Variants in KCNN3 observed in about 807,000 individuals in gnomAD.
The protein encoded by KCNN3 is potassium calcium-activated channel subfamily N member 3.
KCNN3 carries 16 observed loss-of-function variants against 62.9 expected under a neutral mutation model. That is an observed-to-expected ratio of 0.25 (90% CI 0.17 to 0.39). KCNN3 has a LOEUF of 0.39. Ranked by LOEUF, KCNN3 falls within the 10% of genes least tolerant of loss-of-function variation. KCNN3 has a pLI of 1.00. For synonymous variants in KCNN3, 370 were observed against 389.2 expected (o/e 0.95, Z 0.58); for missense variants, 599 against 949.4 (o/e 0.63, Z 4.85).
chr1:154,749,839 CG>C (rs1647278814), intron 3 of KCNN3, among the ~76,000 whole-genome samples: 1 of 152,140 alleles, frequency 6.6e-6, no homozygotes, highest in Non-Finnish European at 1.5e-5. Context: ...GGGGTCCCCA[CG>C]GCCGTGGGGC....
intron 2 of KCNN3, among the ~76,000 whole-genome samples, chr1:154,805,704 A>G (rs1430512954): frequency 1.3e-5 from 2 of 152,152 alleles, no homozygotes; most frequent in Non-Finnish European, 2.9e-5. Flanking sequence ...CTCCAGTTCA[A>G]ATTCCAACCT....
intron 5 of KCNN3, among the ~76,000 whole-genome samples, chr1:154,724,542 C>T (rs2101780235): frequency 6.6e-6 from 1 of 152,274 alleles, no homozygotes. Context: ...GGCTGTAGTT[C>T]TAAAGAATTT....
chr1:154,766,729 G>C (rs1454498059), intron 3 of KCNN3, among the ~76,000 whole-genome samples: 5 of 150,416 alleles, frequency 3.3e-5, no homozygotes, highest in Admixed American at 2.0e-4. Context: ...ACCCAGGCTG[G>C]AGTGCAGTGG....
intron 6 of KCNN3, among the ~76,000 whole-genome samples, chr1:154,714,318 A>AGGTGGGTGTGG (rs1700166879): frequency 1.3e-5 from 1 of 75,972 alleles, no homozygotes. Flanking sequence ...GGTTTGTGTG[A>AGGTGGGTGTGG]GGTGTGTGTG....
At chr1:154,762,902 ATAATC>A (rs1169676137) in intron 3 of KCNN3, among the ~76,000 whole-genome samples, 1 of 152,172 alleles carries the variant, frequency 6.6e-6, no homozygotes, top group African/African-American at 2.4e-5. Flanking sequence ...CATTTATTGA[ATAATC>A]TATCGCTTCC....
intron 5 of KCNN3, among the ~76,000 whole-genome samples, chr1:154,717,815 T>C (rs1053882426): frequency 6.6e-6 from 1 of 152,180 alleles, no homozygotes; most frequent in Non-Finnish European, 1.5e-5. Flanking sequence ...AGTAGATCAA[T>C]ATCTGCGAGA....
intron 7 of KCNN3, among the ~76,000 whole-genome samples, chr1:154,711,665 C>T (rs1700077714): frequency 6.6e-6 from 1 of 152,068 alleles, no homozygotes; most frequent in South Asian, 2.1e-4. Context: ...ACAGGTGGGC[C>T]CCTAGCCCTG....
rs1202715638 is a variant in KCNN3 at position 154,753,651 on chromosome 1, C to T, written c.1448+18324G>A. On this transcript the variant is annotated intron_variant, in intron 3 of 7. Transcript: ENST00000271915. ...CATGAGCCTCCTTGAGCCACCACAT[C>T]CTCATCCACGAAATAGGGACCGTGG... Among the ~76,000 whole-genome samples the T allele has an allele frequency of 2.0e-5, 3 of 152,250 alleles. No homozygotes were observed. In the East Asian group the frequency reaches 5.8e-4, roughly 29 times the overall value.
chr1:154,714,337 T>G (rs375177419), intron 6 of KCNN3, among the ~76,000 whole-genome samples: 172 of 47,496 alleles, frequency 3.6e-3, no homozygotes, highest in African/African-American at 5.1e-3. Context: ...TGTGTGGTGT[T>G]TGTGTGTGGT....
rs1208826794 is a variant in KCNN3 at position 154,706,062 on chromosome 1, G to A, written c.*1914C>T. 3 of 152,194 alleles carry A rather than the reference G, an allele frequency of 2.0e-5. No homozygotes were observed. Among genetic ancestry groups the A allele is most frequent in the Admixed American group, 1.3e-4 (2 of 15,284 alleles). 9.4% of individuals were successfully genotyped at this position (152,194 alleles called of 1,614,324 possible). Reference sequence around the variant, plus strand: ...ACAGCAGGTGCGGCATCTCTGGTATGCAAAACAACTAATGAAAGTGTTCAA... The same window carrying A: ...ACAGCAGGTGCGGCATCTCTGGTATACAAAACAACTAATGAAAGTGTTCAA... On this transcript the variant is annotated 3_prime_UTR_variant, in exon 8 of 8. Coordinates refer to ENST00000271915, the MANE Select transcript of KCNN3 (RefSeq NM_002249.6).
chr1:154,758,761 G>T (rs1647858098), intron 3 of KCNN3, among the ~76,000 whole-genome samples: 1 of 152,074 alleles, frequency 6.6e-6, no homozygotes, highest in African/African-American at 2.4e-5. Context: ...AGGGAACAGA[G>T]GAGTCTGTAT....
intron 2 of KCNN3, among the ~76,000 whole-genome samples, chr1:154,812,486 C>A (rs1172935553): frequency 6.6e-6 from 1 of 152,030 alleles, no homozygotes; most frequent in Non-Finnish European, 1.5e-5. Flanking sequence ...TCAATCCCAC[C>A]TGTGAGTGAG....
chr1:154,732,989 A>T lies in KCNN3; in HGVS notation c.1590+14T>A. On this transcript the variant is annotated intron_variant, in intron 4 of 7. Coordinates refer to ENST00000271915, the MANE Select transcript of KCNN3 (RefSeq NM_002249.6). ...CATTTTAAGGGTAGGGAATGGGGAGAGGCGGGTACTCACCATGATGCCAGT... is the reference window on the plus strand; with the variant it reads ...CATTTTAAGGGTAGGGAATGGGGAGTGGCGGGTACTCACCATGATGCCAGT... 6.2e-7 allele frequency: 1 copy of T among 1,613,866 alleles called. No individual in the cohort carries two copies. Among genetic ancestry groups the T allele is most frequent in the Non-Finnish European group, 8.5e-7 (1 of 1,179,818 alleles).
chr1:154,815,250 T>C (rs953112273), intron 2 of KCNN3, among the ~76,000 whole-genome samples: 7 of 152,184 alleles, frequency 4.6e-5, no homozygotes, highest in Non-Finnish European at 8.8e-5. Flanking sequence ...TGAAGAAGGA[T>C]GGGGACTCTA....
At position 154,755,504 on chromosome 1, in the gene KCNN3, G is replaced by A. The variant is rs79769344; in HGVS notation, c.1448+16471C>T. Among the ~76,000 whole-genome samples, 901 of 109,102 alleles carry A rather than the reference G, an allele frequency of 8.3e-3. 6 individuals carry two copies. Among genetic ancestry groups the A allele is most frequent in the East Asian group, 0.022 (68 of 3,074 alleles). 71.6% of individuals were successfully genotyped at this position (109,102 alleles called of 152,430 possible). A position where few individuals can be genotyped will look rare whatever the true frequency, so the allele number is the denominator to read the frequency against. On this transcript the variant is annotated intron_variant, in intron 3 of 7. Coordinates refer to ENST00000271915, the MANE Select transcript of KCNN3 (RefSeq NM_002249.6). ...GGAAGGAAGAAAGGGAGAAAGAAAG[G>A]AAGAAAGAAAGAAAGAAAGAAAGAA...
rs554624526 is a variant in KCNN3 at position 154,800,114 on chromosome 1, A to G, written c.1029+21975T>C. Among the ~76,000 whole-genome samples the G allele has an allele frequency of 2.6e-5, 4 of 152,348 alleles. No individual in the cohort carries two copies. The East Asian group carries it at 5.8e-4, about 22-fold the overall frequency. ...GTTTGATTTTCTTATTTTGGATCCC[A>G]AAGTCATCATTGTCATTGTGCTGTT... On this transcript the variant is annotated intron_variant, in intron 2 of 7. Transcript: ENST00000271915.
chr1:154,859,586 C>G, intron 1 of KCNN3: 1 of 1,079,458 alleles, frequency 9.3e-7, no homozygotes, highest in Non-Finnish European at 1.4e-6. Context: ...GCAGGGCCCC[C>G]TCAGCTCAAA....
At chr1:154,730,703 T>C (rs1388857561) in intron 4 of KCNN3, among the ~76,000 whole-genome samples, 1 of 152,242 alleles carries the variant, frequency 6.6e-6, no homozygotes, top group Non-Finnish European at 1.5e-5. Flanking sequence ...TGTATATTTA[T>C]GCACAGGGTT....
chr1:154,821,967 C>T (rs1650916867), intron 2 of KCNN3, 122 bp downstream of exon 2: 4 of 752,208 alleles, frequency 5.3e-6, no homozygotes, highest in Non-Finnish European at 7.0e-6. Flanking sequence ...TCTTGGGCAC[C>T]GTCTTGTAAA....
Sources: allele counts gnomAD v4.1 joint callset (sites outside exome capture counted in the v4.1 genomes callset), GRCh38; gene constraint gnomAD v4.1.1; transcripts MANE v1.5; gene names NCBI Gene and HGNC (gene_info 2026-07-23, HGNC 2026-07-21).